Variants in NAT8L observed in about 807,000 individuals in gnomAD.
NAT8L encodes aspartate N-acetyltransferase, also known as N-acetylaspartate synthetase.
Under a neutral mutation model 21.2 loss-of-function variants are expected in NAT8L, and 6 were observed. That is an observed-to-expected ratio of 0.28 (90% CI 0.16 to 0.56). The LOEUF (loss-of-function observed/expected upper bound fraction) is 0.56. Ranked by LOEUF, NAT8L falls within the 20% of genes least tolerant of loss-of-function variation. NAT8L has a pLI of 0.93. For missense variants in NAT8L, 331 were observed against 433.3 expected (o/e 0.76, Z 2.10); for synonymous variants, 239 against 204.9 (o/e 1.17, Z -1.42).
chr4:2,063,588 T>C (rs1202264929), intron 2 of NAT8L, among the ~76,000 whole-genome samples, 172 bp from the exon 3 acceptor site: 1 of 152,150 alleles, frequency 6.6e-6, no homozygotes, highest in Admixed American at 6.5e-5. Context: ...CTCCCTTGGC[T>C]CCAGCAGAGC....
At position 2,059,534 on chromosome 4, in the gene NAT8L, T is replaced by C; in HGVS notation, c.23T>C (p.Met8Thr). 1 of 1,000,672 alleles carries C rather than the reference T, an allele frequency of 1.0e-6. No individual in the cohort carries two copies. Among genetic ancestry groups the C allele is most frequent in the Non-Finnish European group, 1.2e-6 (1 of 840,006 alleles). The allele number at this position is 1,000,672 out of a possible 1,614,324, so 62.0% of individuals were successfully genotyped here. A position where few individuals can be genotyped will look rare whatever the true frequency, so the allele number is the denominator to read the frequency against. The change falls in exon 1 of 3, where the codon ATG becomes ACG. Residue 8 changes from methionine (M) to threonine (T), a missense_variant. Met to Thr is a moderately conservative substitution (Grantham distance 81). Transcript: ENST00000423729. The surrounding 1 kb of genome is among the most constrained non-coding windows in gnomAD (Gnocchi z 4.8). MHCGPPD[M>T]VCETKIVAAE... is the part of the protein sequence containing the mutation. ...TGCATGCATTGTGGGCCTCCCGACA[T>C]GGTCTGCGAGACGAAGATCGTGGCC...
At position 2,068,968 on chromosome 4, in the gene NAT8L, C is replaced by T. The variant is rs893711976; in HGVS notation, c.*4841C>T. 35 of 152,010 alleles carry T rather than the reference C, an allele frequency of 2.3e-4. No homozygotes were observed. Among genetic ancestry groups the T allele is most frequent in the African/African-American group, 8.2e-4 (34 of 41,458 alleles). The allele number at this position is 152,010 out of a possible 1,614,324, so 9.4% of individuals were successfully genotyped here. On this transcript the variant is annotated 3_prime_UTR_variant, in exon 3 of 3. Transcript: ENST00000423729. The stretch of plus-strand genomic sequence containing the variant: ...GAGGCCCCAGATGTGCCAAAACAGC[C>T]CCCAGGGTGGGGGCGAGCGAGTTCT...
Position 2,059,446 on chromosome 4 carries a change from C to T in NAT8L, c.-66C>T, listed in dbSNP as rs1729808165. 2.5e-6 allele frequency: 2 copies of T among 804,988 alleles called. No homozygotes were observed. Among genetic ancestry groups the T allele is most frequent in the Admixed American group, 6.5e-5 (1 of 15,426 alleles). 49.9% of individuals were successfully genotyped at this position (804,988 alleles called of 1,614,324 possible). ...GGGTCCGAGGGCGCCGCGCCCTTGCCCTGGGCCCGGCCGTGCCCGCCGCCG... is the reference window on the plus strand; with the variant it reads ...GGGTCCGAGGGCGCCGCGCCCTTGCTCTGGGCCCGGCCGTGCCCGCCGCCG... On this transcript the variant is annotated 5_prime_UTR_variant, in exon 1 of 3. Transcript: ENST00000423729. This position sits in a 1 kb window ranked among gnomAD's most constrained non-coding sequence, Gnocchi z 4.8.
In NAT8L at chr4:2,059,474, C is replaced by T; in HGVS notation, c.-38C>T. 1 of 942,862 alleles carries T rather than the reference C, an allele frequency of 1.1e-6. No homozygotes were observed. Among genetic ancestry groups the T allele is most frequent in the African/African-American group, 1.8e-5 (1 of 55,330 alleles). 58.4% of individuals were successfully genotyped at this position (942,862 alleles called of 1,614,324 possible). A position where few individuals can be genotyped will look rare whatever the true frequency, so the allele number is the denominator to read the frequency against. ...GGGCCCGGCCGTGCCCGCCGCCGCC[C>T]GGCCGCGTCCCCGCTGCCGCGCCGC... On this transcript the variant is annotated 5_prime_UTR_variant, in exon 1 of 3. Transcript: ENST00000423729. The surrounding 1 kb of genome is among the most constrained non-coding windows in gnomAD (Gnocchi z 4.8).
In NAT8L at chr4:2,059,903, C is replaced by A. The variant is rs1262446518; in HGVS notation, c.376+16C>A. 7.9e-7 allele frequency: 1 copy of A among 1,264,224 alleles called. No homozygotes were observed. Among genetic ancestry groups the A allele is most frequent in the Non-Finnish European group, 1.0e-6 (1 of 995,106 alleles). 78.3% of individuals were successfully genotyped at this position (1,264,224 alleles called of 1,614,324 possible). A position where few individuals can be genotyped will look rare whatever the true frequency, so the allele number is the denominator to read the frequency against. On this transcript the variant is annotated intron_variant, in intron 1 of 2. Transcript: ENST00000423729. This position sits in a 1 kb window ranked among gnomAD's most constrained non-coding sequence, Gnocchi z 4.8. ...CTGCTGGCGGGTCAGTGCGCCGGGC[C>A]CCCGGCTGCCGCAGTCCCTCGGGCC...
At position 2,060,598 on chromosome 4, in the gene NAT8L, G is replaced by C. The variant is rs1011114342; in HGVS notation, c.377-400G>C. ...GGGAAGAGGGGGTCCTGGAGCCCGA[G>C]GCTGGAACGTGGGACACCCCCCTTC... is the stretch of plus-strand genomic sequence containing the variant. On this transcript the variant is annotated intron_variant, in intron 1 of 2. Coordinates refer to ENST00000423729, the MANE Select transcript of NAT8L (RefSeq NM_178557.4). This position sits in a 1 kb window ranked among gnomAD's most constrained non-coding sequence, Gnocchi z 4.7. Among the ~76,000 whole-genome samples the C allele has an allele frequency of 6.6e-6, 1 of 152,120 alleles. No homozygotes were observed. The highest frequency in any genetic ancestry group is 6.5e-5 in the Admixed American group (1 of 15,282).
At chr4:2,063,083 T>G (rs1262487586) in intron 2 of NAT8L, among the ~76,000 whole-genome samples, 1 of 152,242 alleles carries the variant, frequency 6.6e-6, no homozygotes, top group East Asian at 1.9e-4. Context: ...GATGGGGTGA[T>G]GGCCTGGCCA....
At chr4:2,062,658 C>T (rs544173501) in intron 2 of NAT8L, among the ~76,000 whole-genome samples, 1 of 152,060 alleles carries the variant, frequency 6.6e-6, no homozygotes, top group Non-Finnish European at 1.5e-5. Context: ...TTCAGTACCC[C>T]TTTAGCTGCC....
rs757587916 is a variant in NAT8L at position 2,064,158 on chromosome 4, C to T, written c.*31C>T. The T allele has an allele frequency of 7.7e-6, 11 of 1,422,132 alleles. No individual in the cohort carries two copies. In the Admixed American group the frequency reaches 1.5e-4, roughly 19 times the overall value. 88.1% of individuals were successfully genotyped at this position (1,422,132 alleles called of 1,614,324 possible). A position where few individuals can be genotyped will look rare whatever the true frequency, so the allele number is the denominator to read the frequency against. On this transcript the variant is annotated 3_prime_UTR_variant, in exon 3 of 3. Transcript: ENST00000423729. ...GCCGCTCGCCCGCCCGCCCCCCCGG[C>T]CGCCCTGTCCGCCTTTGCCCGCCTG...
At position 2,059,889 on chromosome 4, in the gene NAT8L, T is replaced by C; in HGVS notation, c.376+2T>C. 1 of 1,312,616 alleles carries C rather than the reference T, an allele frequency of 7.6e-7. No homozygotes were observed. Among genetic ancestry groups the C allele is most frequent in the Non-Finnish European group, 9.8e-7 (1 of 1,019,384 alleles). The allele number at this position is 1,312,616 out of a possible 1,614,324, so 81.3% of individuals were successfully genotyped here. On this transcript the variant is annotated splice_donor_variant, in intron 1 of 2. Transcript: ENST00000423729. LOFTEE classifies it high-confidence loss of function. The surrounding 1 kb of genome is among the most constrained non-coding windows in gnomAD (Gnocchi z 4.8). ...AGCTGCTCTACGCCCTGCTGGCGGG[T>C]CAGTGCGCCGGGCCCCCGGCTGCCG...
rs769387826 is a variant in NAT8L, at chr4:2,063,754, C to T, written c.542-6C>T. ...CGGGTGTCCCTGACCGCCCTATCCC[C>T]TGCAGGCTCCTGCTTCTGGGTGGCC... is the stretch of plus-strand genomic sequence containing the variant. On this transcript the variant is annotated splice_region_variant and splice_polypyrimidine_tract_variant and intron_variant, in intron 2 of 2. Coordinates refer to ENST00000423729, the MANE Select transcript of NAT8L (RefSeq NM_178557.4). 4.3e-6 allele frequency: 7 copies of T among 1,610,674 alleles called. No homozygotes were observed. Among genetic ancestry groups the T allele is most frequent in the South Asian group, 2.2e-5 (2 of 91,074 alleles).
chr4:2,065,338 C>G lies in NAT8L; in HGVS notation c.*1211C>G, dbSNP rs1362521807. The G allele has an allele frequency of 1.4e-5, 2 of 141,066 alleles. No individual in the cohort carries two copies. Among genetic ancestry groups the G allele is most frequent in the African/African-American group, 5.3e-5 (2 of 37,828 alleles). The allele number at this position is 141,066 out of a possible 1,614,324, so 8.7% of individuals were successfully genotyped here. A position where few individuals can be genotyped will look rare whatever the true frequency, so the allele number is the denominator to read the frequency against. On this transcript the variant is annotated 3_prime_UTR_variant, in exon 3 of 3. Coordinates refer to ENST00000423729, the MANE Select transcript of NAT8L (RefSeq NM_178557.4). The stretch of plus-strand genomic sequence containing the variant: ...AGGAGGGGCAGGGCGCTGCCTTGGG[C>G]TGGGTGGGAAGAGGGGTGGCCGCCT...
chr4:2,062,622 C>T (rs1014933407), intron 2 of NAT8L, among the ~76,000 whole-genome samples: 3 of 152,056 alleles, frequency 2.0e-5, no homozygotes, highest in Non-Finnish European at 2.9e-5. Context: ...GTGGCTCCCC[C>T]CCACGCTGCT....
Position 2,059,374 on chromosome 4 carries a change from G to A in NAT8L, c.-138G>A, listed in dbSNP as rs949849375. ...CGCCGCCTCCGCCCCGCGCCCCTGA[G>A]CTGCCGCCGCCGCCGCCGCCGCTGC... On this transcript the variant is annotated 5_prime_UTR_variant, in exon 1 of 3. Coordinates refer to ENST00000423729, the MANE Select transcript of NAT8L (RefSeq NM_178557.4). The surrounding 1 kb of genome is among the most constrained non-coding windows in gnomAD (Gnocchi z 4.8). 2 of 163,750 alleles carry A rather than the reference G, an allele frequency of 1.2e-5. No homozygotes were observed. Among genetic ancestry groups the A allele is most frequent in the Non-Finnish European group, 2.4e-5 (2 of 82,834 alleles). The allele number at this position is 163,750 out of a possible 1,614,324, so 10.1% of individuals were successfully genotyped here.
rs1161115551 is a variant in NAT8L, at chr4:2,063,787, A to G, written c.569A>G (p.Asp190Gly). The G allele has an allele frequency of 3.1e-6, 5 of 1,612,020 alleles. No individual in the cohort carries two copies. Among genetic ancestry groups the G allele is most frequent in the Admixed American group, 1.7e-5 (1 of 60,006 alleles). Residue 190 changes from aspartate to glycine, a missense_variant, in exon 3 of 3, where the codon GAT becomes GGT. Around this residue, in one of 2 missense-constraint regions of NAT8L, gnomAD observed 132 missense variants for 237.1 expected, o/e 0.56. Transcript: ENST00000423729. ...PGSCFWVAVLDGNVVGIVAAR... is the reference protein window; with the variant it reads ...PGSCFWVAVLGGNVVGIVAAR... Reference sequence around the variant, plus strand: ...TCCTGCTTCTGGGTGGCCGTGCTGGATGGCAACGTGGTGGGCATTGTGGCT... The same window carrying G: ...TCCTGCTTCTGGGTGGCCGTGCTGGGTGGCAACGTGGTGGGCATTGTGGCT...
chr4:2,066,126 TG>T lies in NAT8L; in HGVS notation c.*2001del, dbSNP rs1729994446. 6.6e-6 allele frequency: 1 copy of T among 152,304 alleles called. No individual in the cohort carries two copies. Among genetic ancestry groups the T allele is most frequent in the African/African-American group, 2.4e-5 (1 of 41,374 alleles). The allele number at this position is 152,304 out of a possible 1,614,324, so 9.4% of individuals were successfully genotyped here. A position where few individuals can be genotyped will look rare whatever the true frequency, so the allele number is the denominator to read the frequency against. ...GTGCAGGGTGCTTGGGGGTGGCTGT[TG>T]GAGCCCACCGACGCCAGGGCAGGGC... On this transcript the variant is annotated 3_prime_UTR_variant, in exon 3 of 3. Coordinates refer to ENST00000423729, the MANE Select transcript of NAT8L (RefSeq NM_178557.4).
In NAT8L at chr4:2,068,264, G is replaced by A. The variant is rs928129737; in HGVS notation, c.*4137G>A. ...TGCATGTGTGTGTACACGTGTATAGGTGTACATGTGCATGAGTTGTGTACA... is the reference window on the plus strand; with the variant it reads ...TGCATGTGTGTGTACACGTGTATAGATGTACATGTGCATGAGTTGTGTACA... On this transcript the variant is annotated 3_prime_UTR_variant, in exon 3 of 3. Transcript: ENST00000423729. 6 of 152,244 alleles carry A rather than the reference G, an allele frequency of 3.9e-5. No individual in the cohort carries two copies. In the East Asian group the frequency reaches 5.8e-4, roughly 15 times the overall value. The allele number at this position is 152,244 out of a possible 1,614,324, so 9.4% of individuals were successfully genotyped here. A position where few individuals can be genotyped will look rare whatever the true frequency, so the allele number is the denominator to read the frequency against.
At position 2,060,955 on chromosome 4, in the gene NAT8L, G is replaced by T; in HGVS notation, c.377-43G>T. ...CGCCGGGGTGGCGTCTCTGGGGCCT[G>T]GGGACCCCCGCCGCGCCGCTGACCC... On this transcript the variant is annotated intron_variant, in intron 1 of 2. Coordinates refer to ENST00000423729, the MANE Select transcript of NAT8L (RefSeq NM_178557.4). This position sits in a 1 kb window ranked among gnomAD's most constrained non-coding sequence, Gnocchi z 4.7. 1 of 1,212,798 alleles carries T rather than the reference G, an allele frequency of 8.2e-7. No individual in the cohort carries two copies. 75.1% of individuals were successfully genotyped at this position (1,212,798 alleles called of 1,614,324 possible).
rs1416652298 is a variant in NAT8L at position 2,065,063 on chromosome 4, A to G, written c.*936A>G. 6.6e-6 allele frequency: 1 copy of G among 152,586 alleles called. No individual in the cohort carries two copies. The highest frequency in any genetic ancestry group is 1.5e-5 in the Non-Finnish European group (1 of 68,124). The allele number at this position is 152,586 out of a possible 1,614,324, so 9.5% of individuals were successfully genotyped here. ...CCAGCCTGAAACCAACACATTTTCT[A>G]ATAAGTTATTTAGACAGAATAGCAC... On this transcript the variant is annotated 3_prime_UTR_variant, in exon 3 of 3. Coordinates refer to ENST00000423729, the MANE Select transcript of NAT8L (RefSeq NM_178557.4).
Sources: gnomAD v4.1 joint callset for allele counts (sites outside exome capture counted in the v4.1 genomes callset) on GRCh38, gnomAD v4.1.1 for gene constraint, gnomAD v4.1.1 regional missense constraint, Gnocchi (gnomAD v3.1) non-coding constraint, MANE v1.5 for transcripts, NCBI Gene and HGNC (gene_info 2026-07-23, HGNC 2026-07-21) for gene names.